ROBO1: variants seen among roughly 807,000 people sequenced by gnomAD.
ROBO1 encodes the protein roundabout guidance receptor 1.
Under a neutral mutation model 195.9 loss-of-function variants are expected in ROBO1, and 149 were observed. That is an observed-to-expected ratio of 0.76 (90% CI 0.67 to 0.87). ROBO1 has a LOEUF of 0.87. Ranked by LOEUF, ROBO1 falls within the 40% of genes least tolerant of loss-of-function variation. ROBO1 has a pLI of 0.00. For synonymous variants in ROBO1, 816 were observed against 733.2 expected, an observed-to-expected ratio of 1.11 and a Z score of -1.82; for missense variants, 1,933 against 2,068.3, an observed-to-expected ratio of 0.93 and a Z score of 1.27.
At chr3:79,591,412 A>T (rs973410888) in intron 1 of ROBO1, among the ~76,000 whole-genome samples, 7 of 151,754 alleles carry the variant, frequency 4.6e-5, no homozygotes, top group Non-Finnish European at 2.9e-5. Context: ...TAATCACCTG[A>T]CTTTACTTGA....
chr3:79,413,984 C>CAATT (rs2037890417), intron 2 of ROBO1, among the ~76,000 whole-genome samples: 1 of 152,086 alleles, frequency 6.6e-6, no homozygotes, highest in African/African-American at 2.4e-5. Context: ...TCCAAAAAAG[C>CAATT]ATGAACTTCC....
At chr3:79,272,920 T>C (rs956958139) in intron 2 of ROBO1, among the ~76,000 whole-genome samples, 1 of 152,052 alleles carries the variant, frequency 6.6e-6, no homozygotes, top group African/African-American at 2.4e-5. Context: ...GATTTATCAA[T>C]GGAAATCTCA....
chr3:79,000,537 T>C (rs189754366), intron 3 of ROBO1, among the ~76,000 whole-genome samples: 7 of 152,290 alleles, frequency 4.6e-5, no homozygotes, highest in Admixed American at 2.0e-4. Flanking sequence ...TCATCATCAC[T>C]GGTCATTAGA....
intron 2 of ROBO1, among the ~76,000 whole-genome samples, chr3:79,312,282 A>G (rs948790688): frequency 2.0e-5 from 3 of 152,206 alleles, no homozygotes; most frequent in Admixed American, 6.5e-5. Context: ...TCTGATCGCC[A>G]CATCTGGATA....
intron 4 of ROBO1, among the ~76,000 whole-genome samples, chr3:78,881,663 A>G (rs1053175090): frequency 3.9e-5 from 6 of 152,192 alleles, no homozygotes; most frequent in African/African-American, 1.2e-4. Flanking sequence ...CTTCCTCCAC[A>G]GAAATAAAAA....
chr3:79,521,525 T>C (rs971822217), intron 2 of ROBO1, among the ~76,000 whole-genome samples: 1 of 152,196 alleles, frequency 6.6e-6, no homozygotes, highest in Admixed American at 6.5e-5. Flanking sequence ...AGGTGTGTCT[T>C]CGTTAGCCTA....
chr3:79,673,050 T>C (rs1946676274), intron 1 of ROBO1, among the ~76,000 whole-genome samples: 1 of 151,986 alleles, frequency 6.6e-6, no homozygotes, highest in African/African-American at 2.4e-5. Flanking sequence ...TGGGCATTCA[T>C]ACCATCAAAG....
At chr3:78,791,518 T>C (rs958390984) in intron 4 of ROBO1, among the ~76,000 whole-genome samples, 2 of 152,202 alleles carry the variant, frequency 1.3e-5, no homozygotes, top group African/African-American at 2.4e-5. Flanking sequence ...GTTCAAGCTT[T>C]AAAAACCTTC....
intron 2 of ROBO1, among the ~76,000 whole-genome samples, chr3:79,551,758 A>G (rs1014284221): frequency 6.6e-6 from 1 of 151,958 alleles, no homozygotes; most frequent in Non-Finnish European, 1.5e-5. Flanking sequence ...GACAAAGTAA[A>G]TGTAGAATTT....
chr3:79,741,539 C>T (rs1046365321), intron 1 of ROBO1, among the ~76,000 whole-genome samples: 15 of 152,168 alleles, frequency 9.9e-5, no homozygotes, highest in African/African-American at 3.6e-4. Context: ...TTCTGATGTC[C>T]CTGGTAATTG....
intron 1 of ROBO1, among the ~76,000 whole-genome samples, chr3:79,604,430 T>A (rs2107883452): frequency 6.6e-6 from 1 of 152,210 alleles, no homozygotes; most frequent in Non-Finnish European, 1.5e-5. Flanking sequence ...CATAAAATGG[T>A]GAATTTTAGT....
intron 10 of ROBO1, among the ~76,000 whole-genome samples, chr3:78,682,787 T>C (rs2080957252): frequency 6.7e-6 from 1 of 149,470 alleles, no homozygotes; most frequent in Non-Finnish European, 1.5e-5. Flanking sequence ...TATAATTTTA[T>C]TGTTGAATTG....
chr3:78,720,100 G>C (rs1002408192), intron 5 of ROBO1, among the ~76,000 whole-genome samples: 1 of 152,086 alleles, frequency 6.6e-6, no homozygotes, highest in African/African-American at 2.4e-5. Flanking sequence ...TCTGGTATGC[G>C]CATTGTAAAA....
In ROBO1 at chr3:78,886,518, C is replaced by T. The variant is rs189021082; in HGVS notation, c.499+52083G>A. Among the ~76,000 whole-genome samples, 546 of 152,020 alleles carry T rather than the reference C, an allele frequency of 3.6e-3. 4 individuals are homozygous for T. The highest frequency in any genetic ancestry group is 0.012 in the African/African-American group (511 of 41,464). Reference sequence around the variant, plus strand: ...CTGAGGCAGGAGAATCACTTGAACCCGGGAGGCAGAGGTTGCAGTGAGCTG... The same window carrying T: ...CTGAGGCAGGAGAATCACTTGAACCTGGGAGGCAGAGGTTGCAGTGAGCTG... On this transcript the variant is annotated intron_variant, in intron 4 of 30. Coordinates refer to ENST00000464233, the MANE Select transcript of ROBO1 (RefSeq NM_002941.4).
intron 19 of ROBO1, among the ~76,000 whole-genome samples, chr3:78,648,229 A>G (rs1410058095): frequency 6.6e-6 from 1 of 152,118 alleles, no homozygotes; most frequent in East Asian, 1.9e-4. Flanking sequence ...GAACTGAATA[A>G]AAGAGAACCA....
chr3:79,660,669 T>A (rs1168859949), intron 1 of ROBO1, among the ~76,000 whole-genome samples: 5 of 152,086 alleles, frequency 3.3e-5, no homozygotes, highest in African/African-American at 1.2e-4. Flanking sequence ...ATAATGGCCA[T>A]GACCATCAGA....
intron 4 of ROBO1, among the ~76,000 whole-genome samples, chr3:78,846,224 G>A (rs1244311961): frequency 6.6e-6 from 1 of 152,028 alleles, no homozygotes; most frequent in Non-Finnish European, 1.5e-5. Flanking sequence ...AAGTTCCAGT[G>A]GTAATTTCCT....
At chr3:78,920,177 G>A (rs967073507) in intron 4 of ROBO1, among the ~76,000 whole-genome samples, 1 of 152,042 alleles carries the variant, frequency 6.6e-6, no homozygotes, top group Admixed American at 6.6e-5. Flanking sequence ...TTAGTGAGAA[G>A]GTAATTGTCT....
intron 2 of ROBO1, among the ~76,000 whole-genome samples, chr3:79,184,586 A>G (rs772124639): frequency 5.9e-5 from 9 of 152,108 alleles, no homozygotes; most frequent in Non-Finnish European, 1.0e-4. Flanking sequence ...CAGGGCCAGG[A>G]CTTACGGTAG....
Sources: gnomAD v4.1 joint callset for allele counts (sites outside exome capture counted in the v4.1 genomes callset) on GRCh38, gnomAD v4.1.1 for gene constraint, MANE v1.5 for transcripts, NCBI Gene and HGNC (gene_info 2026-07-23, HGNC 2026-07-21) for gene names.